Variants in PDZD2 observed in about 807,000 individuals in gnomAD.
The protein encoded by PDZD2 is PDZ domain-containing protein 2.
In PDZD2, 90 loss-of-function variants were observed where a neutral mutation model predicts 220.7. That is an observed-to-expected ratio of 0.41 (90% CI 0.34 to 0.49). The LOEUF is 0.49. Among genes scored for constraint, PDZD2 ranks in the 20% least tolerant of loss-of-function variants. The probability of loss-of-function intolerance (pLI) is 0.28; values close to 1 mark genes in which losing one functional copy is unlikely to be tolerated. For synonymous variants in PDZD2, 1,375 were observed against 1,450.5 expected (o/e 0.95, Z 1.18); for missense variants, 3,174 against 3,608.5 (o/e 0.88, Z 3.08).
chr5:31,795,479 A>T (rs900277720), intron 1 of PDZD2, among the ~76,000 whole-genome samples: 2 of 152,226 alleles, frequency 1.3e-5, no homozygotes, highest in Non-Finnish European at 2.9e-5. Context: ...ATTATTTATG[A>T]TACACAAAAA....
intron 2 of PDZD2, among the ~76,000 whole-genome samples, chr5:31,805,590 C>T (rs1245856735): frequency 2.0e-5 from 3 of 152,178 alleles, no homozygotes; most frequent in Non-Finnish European, 4.4e-5. Context: ...CTAGCATATA[C>T]AGCTGTCGTA....
intron 1 of PDZD2, among the ~76,000 whole-genome samples, chr5:31,779,856 C>T (rs536194430): frequency 6.6e-6 from 1 of 152,174 alleles, no homozygotes; most frequent in East Asian, 1.9e-4. Flanking sequence ...TTATTAGTGT[C>T]CATGATTAAT....
Position 31,987,416 on chromosome 5 carries a change from G to A in PDZD2, c.978+3760G>A, listed in dbSNP as rs191543654. Reference sequence around the variant, plus strand: ...CCTGGATCTGCATCTGCAGAAACGAGTAGAAAACTCAGAAGGAGCATCACA... The same window carrying A: ...CCTGGATCTGCATCTGCAGAAACGAATAGAAAACTCAGAAGGAGCATCACA... On this transcript the variant is annotated intron_variant, in intron 3 of 24. Coordinates refer to ENST00000438447, the MANE Select transcript of PDZD2 (RefSeq NM_178140.4). Among the ~76,000 whole-genome samples the A allele has an allele frequency of 4.6e-5, 7 of 152,318 alleles. No individual in the cohort carries two copies. The East Asian group carries it at 1.4e-3, about 29-fold the overall frequency.
chr5:32,097,441 A>G, intron 22 of PDZD2, 61 bp downstream of exon 22: 3 of 978,076 alleles, frequency 3.1e-6, no homozygotes, highest in Non-Finnish European at 5.0e-6. Flanking sequence ...TCAGAATGTG[A>G]TCAGGGCACA....
intron 1 of PDZD2, among the ~76,000 whole-genome samples, chr5:31,678,958 T>C (rs767839331): frequency 6.6e-5 from 10 of 152,188 alleles, no homozygotes; most frequent in Non-Finnish European, 1.0e-4. Flanking sequence ...GAAAAATAGC[T>C]AGGGTCCCAC....
chr5:31,919,327 A>G (rs1436581449), intron 2 of PDZD2, among the ~76,000 whole-genome samples: 5 of 151,248 alleles, frequency 3.3e-5, no homozygotes, highest in African/African-American at 9.7e-5. Flanking sequence ...GTTTAGCCCC[A>G]TAGTTGTTTA....
Position 32,090,803 on chromosome 5 carries a change from C to G in PDZD2, c.7355C>G (p.Pro2452Arg), listed in dbSNP as rs1381175648. Residue 2452 changes from proline to arginine, a missense_variant, in exon 20 of 25, where the codon CCC becomes CGC. Pro to Arg is a moderately radical substitution (Grantham distance 103). Coordinates refer to ENST00000438447, the MANE Select transcript of PDZD2 (RefSeq NM_178140.4). The surrounding 1 kb of genome is among the most constrained non-coding windows in gnomAD (Gnocchi z 4.3). ...LKKSLGPLGIPTPTMTLASPV... is the reference protein window; with the variant it reads ...LKKSLGPLGIRTPTMTLASPV... ...AAATCACTTGGTCCTTTGGGAATTC[C>G]CACCCCAACGATGACCCTGGCTTCT... The G allele has an allele frequency of 6.2e-7, 1 of 1,613,970 alleles. No individual in the cohort carries two copies. Among genetic ancestry groups the G allele is most frequent in the Non-Finnish European group, 8.5e-7 (1 of 1,180,022 alleles).
intron 2 of PDZD2, among the ~76,000 whole-genome samples, chr5:31,916,737 G>T (rs552270657): frequency 6.6e-6 from 1 of 152,262 alleles, no homozygotes; most frequent in Non-Finnish European, 1.5e-5. Context: ...AAACCTCCTT[G>T]CATAGCTGTT....
At chr5:31,728,020 A>T (rs934184289) in intron 1 of PDZD2, among the ~76,000 whole-genome samples, 3 of 151,424 alleles carry the variant, frequency 2.0e-5, no homozygotes, top group Middle Eastern at 3.2e-3. Flanking sequence ...AAAAAAAAAA[A>T]AGATCAGGCA....
chr5:32,053,591 G>C (rs537159869), intron 9 of PDZD2, among the ~76,000 whole-genome samples, 178 bp from the exon 10 acceptor site: 1 of 152,328 alleles, frequency 6.6e-6, no homozygotes, highest in East Asian at 1.9e-4. Flanking sequence ...ATAAGGAAGA[G>C]AACACAAACT....
chr5:31,908,660 A>G, intron 2 of PDZD2: 2 of 1,165,486 alleles, frequency 1.7e-6, no homozygotes, highest in Admixed American at 1.8e-5. Context: ...ACAAACTTGA[A>G]GAACAGAGAC....
At chr5:31,909,529 A>T (rs1209049993) in intron 2 of PDZD2, among the ~76,000 whole-genome samples, 3 of 152,190 alleles carry the variant, frequency 2.0e-5, no homozygotes, top group Non-Finnish European at 4.4e-5. Flanking sequence ...TACCGCATAC[A>T]GTAGAATATA....
chr5:31,862,402 C>G (rs1737804278), intron 2 of PDZD2, among the ~76,000 whole-genome samples: 1 of 151,966 alleles, frequency 6.6e-6, no homozygotes, highest in Non-Finnish European at 1.5e-5. Flanking sequence ...CCATGCCAGG[C>G]CCAGACTCAT....
intron 7 of PDZD2, among the ~76,000 whole-genome samples, chr5:32,043,462 T>TA: frequency 6.6e-6 from 1 of 152,278 alleles, no homozygotes; most frequent in Admixed American, 6.5e-5. Flanking sequence ...AAAATGAGGG[T>TA]TATGTTCTGT....
chr5:32,003,331 C>CCCCCCCCACACA (rs764711883), intron 5 of PDZD2, among the ~76,000 whole-genome samples: 5 of 69,706 alleles, frequency 7.2e-5, no homozygotes, highest in Non-Finnish European at 1.2e-4. Context: ...ACACACACCC[C>CCCCCCCCACACA]CACCACACCA....
intron 2 of PDZD2, among the ~76,000 whole-genome samples, chr5:31,912,723 A>C (rs968768428): frequency 6.6e-6 from 1 of 152,216 alleles, no homozygotes; most frequent in Non-Finnish European, 1.5e-5. Context: ...AACCCACTCC[A>C]TGGAGGTGTC....
Position 32,057,713 on chromosome 5 carries a change from C to G in PDZD2, c.1959C>G (p.Ala653=), listed in dbSNP as rs1328526281. ...TAAAGGGCTTGACATTTCAAGAAGC[C>G]ATTCATACCTTTAAGGTAACAACAT... ...IPIKGLTFQE[A]IHTFKQIRSG... is the part of the protein sequence containing the mutation. The change falls in exon 11 of 25, where the codon GCC becomes GCG. Residue 653 remains alanine (A), a synonymous_variant. Transcript: ENST00000438447. 6.3e-7 allele frequency: 1 copy of G among 1,583,626 alleles called. No homozygotes were observed. Among genetic ancestry groups the G allele is most frequent in the Non-Finnish European group, 8.7e-7 (1 of 1,153,572 alleles).
chr5:31,792,939 A>G (rs1173978035), intron 1 of PDZD2, among the ~76,000 whole-genome samples: 1 of 151,826 alleles, frequency 6.6e-6, no homozygotes, highest in Non-Finnish European at 1.5e-5. Context: ...CCCCGGTTCA[A>G]GCAATTCTCC....
chr5:32,075,396 A>G (rs985902660), intron 18 of PDZD2, among the ~76,000 whole-genome samples: 2 of 152,142 alleles, frequency 1.3e-5, no homozygotes, highest in South Asian at 2.1e-4. Context: ...CATCAAATAT[A>G]TGTTAACAGT....
Sources: allele counts gnomAD v4.1 joint callset (sites outside exome capture counted in the v4.1 genomes callset), GRCh38; gene constraint gnomAD v4.1.1; non-coding constraint Gnocchi (gnomAD v3.1); transcripts MANE v1.5; gene names NCBI Gene and HGNC (gene_info 2026-07-23, HGNC 2026-07-21).